KNDC1: variants seen among roughly 807,000 people sequenced by gnomAD.
The protein encoded by KNDC1 is kinase non-catalytic C-lobe domain-containing protein 1.
In KNDC1, 106 loss-of-function variants were observed where a neutral mutation model predicts 172.8. That is an observed-to-expected ratio of 0.61 (90% CI 0.52 to 0.72). The LOEUF is 0.72. Ranked by LOEUF, KNDC1 falls within the 30% of genes least tolerant of loss-of-function variation. The pLI is 0.00. For missense variants in KNDC1, 2,325 were observed against 2,394.5 expected (o/e 0.97, Z 0.61); for synonymous variants, 1,083 against 1,062.2 (o/e 1.02, Z -0.38).
chr10:133,202,876 C>T (rs1254655849), intron 17 of KNDC1, among the ~76,000 whole-genome samples: 4 of 152,194 alleles, frequency 2.6e-5, no homozygotes, highest in East Asian at 1.9e-4. Context: ...GAGGGGGCTT[C>T]GAGGACGCAA....
At chr10:133,170,646 C>A (rs1853348734) in intron 3 of KNDC1, among the ~76,000 whole-genome samples, 1 of 152,186 alleles carries the variant, frequency 6.6e-6, no homozygotes, top group South Asian at 2.1e-4. Context: ...ATTTAAAAAT[C>A]ACAATACCCA....
At chr10:133,198,223 G>A (rs1413937781) in intron 12 of KNDC1, 114 bp from the exon 13 acceptor site, 2 of 1,249,258 alleles carry the variant, frequency 1.6e-6, no homozygotes, top group Non-Finnish European at 2.2e-6. Flanking sequence ...CCATGCGGGA[G>A]GGGACGCGGC....
At chr10:133,184,457 TGACA>T (rs1275042436) in intron 5 of KNDC1, among the ~76,000 whole-genome samples, 3 of 152,224 alleles carry the variant, frequency 2.0e-5, no homozygotes, top group Admixed American at 6.5e-5. Flanking sequence ...ATTCACACAC[TGACA>T]GTCACACACG....
In KNDC1 at chr10:133,183,385, C is replaced by T. The variant is rs767958618; in HGVS notation, c.402C>T (p.Leu134=). The change falls in exon 4 of 30, where the codon CTC becomes CTT. Residue 134 remains leucine, a synonymous_variant. Coordinates refer to ENST00000304613, the MANE Select transcript of KNDC1 (RefSeq NM_152643.8). ...YSLGATLKAA[L]EYVAEPTLEP... is the part of the protein sequence containing the mutation. The stretch of plus-strand genomic sequence containing the variant: ...TGGGGGCCACGCTGAAGGCCGCCCT[C>T]GAGTACGTGGCAGAGCCCACACTGG... 6 of 1,597,962 alleles carry T rather than the reference C, an allele frequency of 3.8e-6. No individual in the cohort carries two copies. The highest frequency in any genetic ancestry group is 2.3e-5 in the East Asian group (1 of 44,312).
Position 133,169,258 on chromosome 10 carries a change from C to T in KNDC1, c.360+946C>T, listed in dbSNP as rs532121192. Among the ~76,000 whole-genome samples the T allele has an allele frequency of 3.7e-3, 564 of 152,256 alleles. 2 individuals carry two copies. The highest frequency in any genetic ancestry group is 0.012 in the African/African-American group (509 of 41,544). On this transcript the variant is annotated intron_variant, in intron 3 of 29. Coordinates refer to ENST00000304613, the MANE Select transcript of KNDC1 (RefSeq NM_152643.8). ...GGCAGATCGCTTGAGCCCAGGAGTT[C>T]AAGACCAGCCTGGCCAACATGGCGA...
chr10:133,162,397 C>A (rs1853006909), intron 1 of KNDC1, among the ~76,000 whole-genome samples: 1 of 152,134 alleles, frequency 6.6e-6, no homozygotes, highest in Non-Finnish European at 1.5e-5. Flanking sequence ...GGGTGCAGGG[C>A]AGCTGCCGGG....
At chr10:133,191,510 G>A (rs1437969533) in intron 9 of KNDC1, among the ~76,000 whole-genome samples, 2 of 152,036 alleles carry the variant, frequency 1.3e-5, no homozygotes, top group African/African-American at 4.8e-5. Context: ...GACCACCCTC[G>A]CCAACATGGT....
rs1854325372 is a variant in KNDC1 at position 133,200,373 on chromosome 10, AG to A, written c.2904-1del. 1.9e-6 allele frequency: 3 copies of A among 1,585,070 alleles called. No individual in the cohort carries two copies. Among genetic ancestry groups the A allele is most frequent in the African/African-American group, 2.7e-5 (2 of 72,828 alleles). On this transcript the variant is annotated splice_acceptor_variant, in intron 15 of 29. Transcript: ENST00000304613. LOFTEE classifies it high-confidence loss of function. ...GGGACTGACCTGCATTCTCGTCGTC[AG>A]CACGGCCGAGGAGGCTGGGTCACAG... is the stretch of plus-strand genomic sequence containing the variant.
Position 133,219,075 on chromosome 10 carries a change from G to A in KNDC1, c.4845G>A (p.Glu1615=), listed in dbSNP as rs143847510. The stretch of plus-strand genomic sequence containing the variant: ...CAAAGATAGCAGAGGTCATGGAGGA[G>A]CTGAAAGCCGTGGAGGTACCAGCAC... ...LPAKIAEVME[E]LKAVEVFLKS... The change falls in exon 28 of 30, where the codon GAG becomes GAA. Residue 1615 remains glutamate (E), a synonymous_variant. Transcript: ENST00000304613. The A allele has an allele frequency of 6.2e-7, 1 of 1,613,896 alleles. No homozygotes were observed. Among genetic ancestry groups the A allele is most frequent in the Non-Finnish European group, 8.5e-7 (1 of 1,179,946 alleles).
rs574143642 is a variant in KNDC1, at chr10:133,212,853, G to A, written c.4374G>A (p.Glu1458=). Residue 1458 remains glutamate, a synonymous_variant, in exon 24 of 30, where the codon GAG becomes GAA. Coordinates refer to ENST00000304613, the MANE Select transcript of KNDC1 (RefSeq NM_152643.8). The part of the protein sequence containing the change: ...DFYGPCAKTS[E]KGPYFLTEYS... ...ACGGCCCCTGCGCCAAGACCAGTGA[G>A]AAGGGGCCCTACTTCCTGACGGAGT... is the stretch of plus-strand genomic sequence containing the variant. 1.2e-6 allele frequency: 2 copies of A among 1,613,994 alleles called. No homozygotes were observed. Among genetic ancestry groups the A allele is most frequent in the East Asian group, 2.2e-5 (1 of 44,884 alleles).
intron 17 of KNDC1, among the ~76,000 whole-genome samples, chr10:133,206,473 C>T (rs1589767044): frequency 6.6e-6 from 1 of 151,684 alleles, no homozygotes; most frequent in East Asian, 1.9e-4. Flanking sequence ...GGGCACTGCC[C>T]TGTGAGCCTG....
At chr10:133,187,543 A>G (rs1853954706) in intron 6 of KNDC1, among the ~76,000 whole-genome samples, 1 of 152,242 alleles carries the variant, frequency 6.6e-6, no homozygotes, top group Non-Finnish European at 1.5e-5. Context: ...GTTGATCTGA[A>G]GGACAAGGGC....
rs778112967 is a variant in KNDC1, at chr10:133,195,813, G to T, written c.1726G>T (p.Ala576Ser). The change falls in exon 10 of 30, where the codon GCC becomes TCC. Residue 576 changes from alanine (A) to serine (S), a missense_variant. Coordinates refer to ENST00000304613, the MANE Select transcript of KNDC1 (RefSeq NM_152643.8). ...SAPERPSAAE[A>S]IKVCGSYLLQ... ...CCCGGAGCGGCCGTCCGCGGCTGAGGCCATCAAGGTAACCACACCACAGTC... is the reference window on the plus strand; with the variant it reads ...CCCGGAGCGGCCGTCCGCGGCTGAGTCCATCAAGGTAACCACACCACAGTC... 30 of 1,561,268 alleles carry T rather than the reference G, an allele frequency of 1.9e-5. No homozygotes were observed. Among genetic ancestry groups the T allele is most frequent in the Non-Finnish European group, 2.6e-5 (30 of 1,154,140 alleles).
intron 20 of KNDC1, among the ~76,000 whole-genome samples, chr10:133,208,734 C>T (rs1046418075): frequency 2.0e-5 from 3 of 152,192 alleles, no homozygotes; most frequent in African/African-American, 7.2e-5. Flanking sequence ...GTCTCTGTGC[C>T]GTTGCGGGAG....
At chr10:133,196,941 C>A in intron 10 of KNDC1, 117 bp from the exon 11 acceptor site, 1 of 774,866 alleles carries the variant, frequency 1.3e-6, no homozygotes, top group Non-Finnish European at 2.2e-6. Context: ...TCGGTGAGAA[C>A]AAACAGGAAA....
chr10:133,167,725 G>A (rs1194527688), intron 2 of KNDC1, 146 bp downstream of exon 2: 1 of 939,630 alleles, frequency 1.1e-6, no homozygotes, highest in Non-Finnish European at 1.6e-6. Flanking sequence ...TCTTCCTTGG[G>A]AGGGACTCAG....
intron 28 of KNDC1, 120 bp downstream of exon 28, chr10:133,219,210 A>G: frequency 7.9e-7 from 1 of 1,272,662 alleles, no homozygotes; most frequent in Non-Finnish European, 1.1e-6. Flanking sequence ...CAGGTGGCCC[A>G]GCCAGGGTGG....
intron 11 of KNDC1, among the ~76,000 whole-genome samples, chr10:133,197,424 C>T (rs888910954): frequency 7.9e-5 from 12 of 152,176 alleles, no homozygotes; most frequent in African/African-American, 2.4e-4. Flanking sequence ...CCCTGAGTCT[C>T]GGGTGGTGCT....
intron 1 of KNDC1, among the ~76,000 whole-genome samples, chr10:133,161,241 G>A (rs536797907): frequency 6.6e-6 from 1 of 152,290 alleles, no homozygotes; most frequent in African/African-American, 2.4e-5. Flanking sequence ...GCCAGGCCCG[G>A]AAGCATGAGA....
Sources: gnomAD v4.1 joint callset for allele counts (sites outside exome capture counted in the v4.1 genomes callset) on GRCh38, gnomAD v4.1.1 for gene constraint, MANE v1.5 for transcripts, NCBI Gene and HGNC (gene_info 2026-07-23, HGNC 2026-07-21) for gene names.